SLC25A42: variants seen among roughly 807,000 people sequenced by gnomAD.
SLC25A42 encodes mitochondrial coenzyme A transporter SLC25A42.
Under a neutral mutation model 34.7 loss-of-function variants are expected in SLC25A42, and 19 were observed. The observed-to-expected ratio is 0.55, with a 90% CI of 0.38 to 0.80. The LOEUF is 0.80. Ranked by LOEUF, SLC25A42 falls within the 30% of genes least tolerant of loss-of-function variation. SLC25A42 has a pLI of 0.00. For missense variants in SLC25A42, 364 were observed against 441.3 expected, an observed-to-expected ratio of 0.82 and a Z score of 1.57; for synonymous variants, 205 against 191.2, an observed-to-expected ratio of 1.07 and a Z score of -0.59.
At chr19:19,107,316 CAAAAA>C (rs59963919) in intron 6 of SLC25A42, among the ~76,000 whole-genome samples, 1 of 131,776 alleles carries the variant, frequency 7.6e-6, no homozygotes, top group Non-Finnish European at 1.6e-5. Flanking sequence ...ACCCTGTCTC[CAAAAA>C]AAAAAAAACA....
chr19:19,086,972 G>T (rs368277163), intron 1 of SLC25A42, among the ~76,000 whole-genome samples: 18 of 152,104 alleles, frequency 1.2e-4, no homozygotes, highest in African/African-American at 4.1e-4. Flanking sequence ...CCATGTGTGT[G>T]GGGGGGTGCG....
intron 7 of SLC25A42, 66 bp from the exon 8 acceptor site, chr19:19,110,503 C>T: frequency 2.3e-6 from 3 of 1,331,038 alleles, no homozygotes; most frequent in South Asian, 1.8e-5. Context: ...CAAAGGCGCG[C>T]GCACGGGTGC....
chr19:19,068,837 C>CAAATAAATAAATAAAT (rs111792120), intron 1 of SLC25A42, among the ~76,000 whole-genome samples: 48 of 137,554 alleles, frequency 3.5e-4, no homozygotes, highest in Admixed American at 6.5e-4. Flanking sequence ...CACTCAGTCT[C>CAAATAAATAAATAAAT]AAATAAATAA....
chr19:19,096,225 G>A lies in SLC25A42; in HGVS notation c.81+20G>A. ...TCAAAGGCAAGTACCCCGGCCTCCT[G>A]GGATGGGTGTTCTCCTGGGGCCCCA... On this transcript the variant is annotated intron_variant, in intron 2 of 7. Coordinates refer to ENST00000318596, the MANE Select transcript of SLC25A42 (RefSeq NM_178526.5). 2 of 1,601,166 alleles carry A rather than the reference G, an allele frequency of 1.2e-6. No homozygotes were observed. The highest frequency in any genetic ancestry group is 1.7e-6 in the Non-Finnish European group (2 of 1,169,616).
At chr19:19,090,113 TGTGA>T (rs1405447608) in intron 1 of SLC25A42, among the ~76,000 whole-genome samples, 1 of 152,168 alleles carries the variant, frequency 6.6e-6, no homozygotes, top group East Asian at 1.9e-4. Flanking sequence ...TCTTTGAACT[TGTGA>T]GTGAGTTACA....
intron 3 of SLC25A42, among the ~76,000 whole-genome samples, chr19:19,102,324 C>T (rs1157729643): frequency 4.0e-5 from 6 of 151,802 alleles, no homozygotes; most frequent in Admixed American, 3.3e-4. Flanking sequence ...TGAGGTTTTT[C>T]TCTGTTGCCC....
intron 1 of SLC25A42, among the ~76,000 whole-genome samples, chr19:19,085,978 C>A (rs2145908334): frequency 6.6e-6 from 1 of 152,334 alleles, no homozygotes; most frequent in South Asian, 2.1e-4. Context: ...GCCACGCTGG[C>A]TTAGAGTCAC....
chr19:19,072,000 C>T (rs2059632898), intron 1 of SLC25A42, among the ~76,000 whole-genome samples: 1 of 152,300 alleles, frequency 6.6e-6, no homozygotes, highest in East Asian at 1.9e-4. Flanking sequence ...ATGGGGCGAC[C>T]CAGGATGAAT....
chr19:19,075,444 C>T (rs914559805), intron 1 of SLC25A42, among the ~76,000 whole-genome samples: 1 of 152,242 alleles, frequency 6.6e-6, no homozygotes, highest in Non-Finnish European at 1.5e-5. Flanking sequence ...GCTGGCCCCC[C>T]TCTGCCTGGC....
Position 19,111,248 on chromosome 19 carries a change from C to G in SLC25A42, c.*372C>G, listed in dbSNP as rs1350171072. The G allele has an allele frequency of 6.9e-6, 2 of 288,014 alleles. No individual in the cohort carries two copies. The highest frequency in any genetic ancestry group is 1.3e-5 in the Non-Finnish European group (2 of 151,508). The allele number at this position is 288,014 out of a possible 1,614,324, so 17.8% of individuals were successfully genotyped here. On this transcript the variant is annotated 3_prime_UTR_variant, in exon 8 of 8. Coordinates refer to ENST00000318596, the MANE Select transcript of SLC25A42 (RefSeq NM_178526.5). Reference sequence around the variant, plus strand: ...TCTAGTGACCCCTGTCCCCACCAGGCTCAGAGCCAGACCGCGCCTGGACCT... The same window carrying G: ...TCTAGTGACCCCTGTCCCCACCAGGGTCAGAGCCAGACCGCGCCTGGACCT...
intron 1 of SLC25A42, among the ~76,000 whole-genome samples, chr19:19,074,796 T>C (rs1204675289): frequency 6.6e-6 from 1 of 152,046 alleles, no homozygotes; most frequent in African/African-American, 2.4e-5. Context: ...TGTATTAGGA[T>C]AGCCTGTGTA....
At chr19:19,104,970 G>A (rs776075990) in intron 4 of SLC25A42, 32 bp downstream of exon 4, 2 of 1,613,750 alleles carry the variant, frequency 1.2e-6, no homozygotes, top group Admixed American at 3.3e-5. Flanking sequence ...CCGGCCTGGG[G>A]ACAGTCACCA....
intron 1 of SLC25A42, among the ~76,000 whole-genome samples, chr19:19,086,900 G>T (rs2059710945): frequency 6.6e-6 from 1 of 152,222 alleles, no homozygotes; most frequent in South Asian, 2.1e-4. Flanking sequence ...TACATATATA[G>T]TGAAGTGATT....
chr19:19,109,220 GCCTTA>G lies in SLC25A42; in HGVS notation c.649+1180_649+1184del, dbSNP rs1398154759. Among the ~76,000 whole-genome samples, 3 of 152,200 alleles carry G rather than the reference GCCTTA, an allele frequency of 2.0e-5. No individual in the cohort carries two copies. The highest frequency in any genetic ancestry group is 7.2e-5 in the African/African-American group (3 of 41,458). Reference sequence around the variant, plus strand: ...CGCCTTTTTAGTGGCTGCACAGTGGGCCTTACCTTCTTGGGGTGCCCTTTGGCTGT... The same window carrying G: ...CGCCTTTTTAGTGGCTGCACAGTGGGCCTTCTTGGGGTGCCCTTTGGCTGT... On this transcript the variant is annotated intron_variant, in intron 7 of 7. Coordinates refer to ENST00000318596, the MANE Select transcript of SLC25A42 (RefSeq NM_178526.5). This position sits in a 1 kb window ranked among gnomAD's most constrained non-coding sequence, Gnocchi z 4.1.
At chr19:19,101,540 C>T (rs904131387) in intron 2 of SLC25A42, among the ~76,000 whole-genome samples, 4 of 152,318 alleles carry the variant, frequency 2.6e-5, no homozygotes, top group African/African-American at 4.8e-5. Flanking sequence ...GAAACCTGCA[C>T]ACCTCACCTC....
chr19:19,068,384 G>A (rs1035890403), intron 1 of SLC25A42, among the ~76,000 whole-genome samples: 5 of 143,410 alleles, frequency 3.5e-5, no homozygotes, highest in African/African-American at 7.7e-5. Context: ...ATATCATGTC[G>A]GGCCAGGCAT....
At chr19:19,069,135 C>T (rs2059617123) in intron 1 of SLC25A42, among the ~76,000 whole-genome samples, 1 of 152,114 alleles carries the variant, frequency 6.6e-6, no homozygotes, top group African/African-American at 2.4e-5. Flanking sequence ...CTGGAGGCCC[C>T]ACCCTGTTCA....
chr19:19,072,688 A>AT (rs1037218462), intron 1 of SLC25A42, among the ~76,000 whole-genome samples: 4 of 145,518 alleles, frequency 2.7e-5, no homozygotes, highest in African/African-American at 7.7e-5. Flanking sequence ...CAGCCAAAAA[A>AT]TTTTTTTTAG....
chr19:19,075,864 C>T (rs2059653212), intron 1 of SLC25A42, among the ~76,000 whole-genome samples: 1 of 152,214 alleles, frequency 6.6e-6, no homozygotes, highest in Admixed American at 6.5e-5. Context: ...ACCCTACTGG[C>T]TTCCCCTCCC....
Sources: gnomAD v4.1 joint callset for allele counts (sites outside exome capture counted in the v4.1 genomes callset) on GRCh38, gnomAD v4.1.1 for gene constraint, Gnocchi (gnomAD v3.1) non-coding constraint, MANE v1.5 for transcripts, NCBI Gene and HGNC (gene_info 2026-07-23, HGNC 2026-07-21) for gene names.